Variants in KIF16B observed in about 807,000 individuals in gnomAD.
KIF16B encodes the protein kinesin family member 16B.
In KIF16B, 98 loss-of-function variants were observed where a neutral mutation model predicts 156.3. That is an observed-to-expected ratio of 0.63 (90% confidence interval 0.53 to 0.74). KIF16B has a LOEUF of 0.74. Among genes scored for constraint, KIF16B ranks in the 30% least tolerant of loss-of-function variants. KIF16B has a pLI of 0.00. For missense variants in KIF16B, 1,421 were observed against 1,606.5 expected, an observed-to-expected ratio of 0.88 and a Z score of 1.97; for synonymous variants, 564 against 583.7, an observed-to-expected ratio of 0.97 and a Z score of 0.49.
At chr20:16,389,113 C>A (rs1051716426) in intron 17 of KIF16B, among the ~76,000 whole-genome samples, 1 of 152,094 alleles carries the variant, frequency 6.6e-6, no homozygotes, top group African/African-American at 2.4e-5. Flanking sequence ...TCAGTGGGCA[C>A]ATGATCAGAC....
chr20:16,307,353 A>G (rs1357000510), intron 25 of KIF16B, among the ~76,000 whole-genome samples: 1 of 152,246 alleles, frequency 6.6e-6, no homozygotes, highest in Non-Finnish European at 1.5e-5. Context: ...CAGAAAACTC[A>G]TTAACTTGGG....
At chr20:16,560,372 C>T (rs895980426) in intron 1 of KIF16B, among the ~76,000 whole-genome samples, 5 of 152,332 alleles carry the variant, frequency 3.3e-5, no homozygotes, top group African/African-American at 1.2e-4. Flanking sequence ...GTGTCCCAGG[C>T]AGAATCCCTG....
chr20:16,513,674 A>C (rs960573666), intron 4 of KIF16B, among the ~76,000 whole-genome samples: 12 of 148,742 alleles, frequency 8.1e-5, no homozygotes, highest in African/African-American at 2.1e-4. Flanking sequence ...AAAAAAAAAA[A>C]AAAAAAAAAC....
At chr20:16,512,789 C>T (rs2068997356) in intron 5 of KIF16B, 37 bp downstream of exon 5, 1 of 1,422,634 alleles carries the variant, frequency 7.0e-7, no homozygotes. Context: ...TGACTCTAAT[C>T]AAGCTCACAC....
intron 17 of KIF16B, among the ~76,000 whole-genome samples, chr20:16,403,528 A>C (rs1472348740): frequency 6.6e-6 from 1 of 152,226 alleles, no homozygotes; most frequent in African/African-American, 2.4e-5. Context: ...GGAAAGACCA[A>C]ATAGGAAAGA....
At chr20:16,452,177 A>C (rs1163666800) in intron 12 of KIF16B, among the ~76,000 whole-genome samples, 1 of 152,120 alleles carries the variant, frequency 6.6e-6, no homozygotes, top group Non-Finnish European at 1.5e-5. Flanking sequence ...AGGGTGGAGA[A>C]GGGAGCAGTG....
At chr20:16,436,954 G>A (rs533067509) in intron 12 of KIF16B, among the ~76,000 whole-genome samples, 10 of 152,110 alleles carry the variant, frequency 6.6e-5, no homozygotes, top group African/African-American at 2.2e-4. Context: ...ACTGGTTCCC[G>A]GACTCCTGAG....
At chr20:16,498,026 G>A (rs1414280336) in intron 10 of KIF16B, among the ~76,000 whole-genome samples, 1 of 152,110 alleles carries the variant, frequency 6.6e-6, no homozygotes, top group Non-Finnish European at 1.5e-5. Context: ...ATTCAAAAGG[G>A]ACCATGCCTA....
At chr20:16,412,325 T>C (rs547302264) in intron 15 of KIF16B, among the ~76,000 whole-genome samples, 3 of 151,930 alleles carry the variant, frequency 2.0e-5, no homozygotes, top group Non-Finnish European at 4.4e-5. Context: ...GACTGAGGAA[T>C]GCAGAAGAGG....
intron 1 of KIF16B, among the ~76,000 whole-genome samples, chr20:16,549,486 T>C (rs983610974): frequency 2.0e-5 from 3 of 151,844 alleles, no homozygotes; most frequent in African/African-American, 7.3e-5. Context: ...TTGTGAATAA[T>C]GCCGCAATAA....
chr20:16,410,132 CATAT>C (rs201096884), intron 15 of KIF16B, among the ~76,000 whole-genome samples: 1 of 121,648 alleles, frequency 8.2e-6, no homozygotes, highest in Non-Finnish European at 1.7e-5. Flanking sequence ...TATGTAGGTA[CATAT>C]ATATATGTAG....
rs149630514 is a variant in KIF16B at position 16,413,622 on chromosome 20, C to T, written c.1613-7166G>A. Among the ~76,000 whole-genome samples, 461 of 152,134 alleles carry T rather than the reference C, an allele frequency of 3.0e-3. 4 individuals are homozygous for T. Among genetic ancestry groups the T allele is most frequent in the East Asian group, 0.025 (130 of 5,168 alleles). On this transcript the variant is annotated intron_variant, in intron 15 of 25. Coordinates refer to ENST00000354981, the MANE Select transcript of KIF16B (RefSeq NM_024704.5). ...AAGTGTGTGGTTCACACTTTAGAGG[C>T]TGTGGTGTCAATAAAAATGAGAGGC...
rs922633730 is a variant in KIF16B, at chr20:16,330,708, C to T, written c.3711+5218G>A. ...TAAAAATGACACCCCTGACTCCCTG[C>T]CTCAATAAGTTGCATCTGGACAGGC... On this transcript the variant is annotated intron_variant, in intron 24 of 25. Transcript: ENST00000354981. Among the ~76,000 whole-genome samples the T allele has an allele frequency of 3.3e-5, 5 of 152,182 alleles. No homozygotes were observed. In the South Asian group the frequency reaches 8.3e-4, roughly 25 times the overall value.
At chr20:16,490,136 C>T (rs2068244749) in intron 12 of KIF16B, among the ~76,000 whole-genome samples, 1 of 152,058 alleles carries the variant, frequency 6.6e-6, no homozygotes, top group Non-Finnish European at 1.5e-5. Flanking sequence ...AAGCCTTAAC[C>T]CCTAGTACCT....
At chr20:16,532,197 T>C (rs2069784081) in intron 1 of KIF16B, among the ~76,000 whole-genome samples, 1 of 152,184 alleles carries the variant, frequency 6.6e-6, no homozygotes, top group South Asian at 2.1e-4. Context: ...AAAAACCTTT[T>C]AGAGATACAT....
chr20:16,374,558 T>C, intron 19 of KIF16B, 149 bp from the exon 20 acceptor site: 1 of 677,418 alleles, frequency 1.5e-6, no homozygotes, highest in East Asian at 3.1e-5. Context: ...AGGTGCCACA[T>C]ACCCATAAGA....
chr20:16,367,204 A>G, intron 22 of KIF16B: 5 of 1,612,016 alleles, frequency 3.1e-6, no homozygotes, highest in Non-Finnish European at 4.2e-6. Context: ...ATTGAAAGTA[A>G]GTTTCCAGAC....
chr20:16,404,899 A>C lies in KIF16B; in HGVS notation c.1698T>G (p.Ser566Arg). The change falls in exon 17 of 26, where the codon AGT (serine) becomes AGG (arginine). Residue 566 changes from serine to arginine, a missense_variant and splice_region_variant. Transcript: ENST00000354981. ...EAAKLREKRKSGLLSSFSLSM... is the reference protein window; with the variant it reads ...EAAKLREKRKRGLLSSFSLSM... ...ACAAGCTGAAGGAGGACAGAAGGCC[A>C]CTCTAAGGGCAGACACAGGGCAGAG... 6.2e-7 allele frequency: 1 copy of C among 1,612,584 alleles called. No homozygotes were observed. The highest frequency in any genetic ancestry group is 8.5e-7 in the Non-Finnish European group (1 of 1,179,012).
chr20:16,346,338 G>A lies in KIF16B; in HGVS notation c.3621+9992C>T, dbSNP rs142124393. ...GCTTGGAGAGTGAAGATTCCTGAAA[G>A]CAGGGGAGCCGCTCAAATAGGAGAT... is the stretch of plus-strand genomic sequence containing the variant. On this transcript the variant is annotated intron_variant, in intron 23 of 25. Transcript: ENST00000354981. Among the ~76,000 whole-genome samples the A allele has an allele frequency of 5.6e-4, 85 of 152,328 alleles. 1 individual carries two copies. In the East Asian group the frequency reaches 0.013, roughly 24 times the overall value.
Sources: allele counts gnomAD v4.1 joint callset (sites outside exome capture counted in the v4.1 genomes callset), GRCh38; gene constraint gnomAD v4.1.1; transcripts MANE v1.5; gene names NCBI Gene and HGNC (gene_info 2026-07-23, HGNC 2026-07-21).